KLHL18: variants seen among roughly 807,000 people sequenced by gnomAD.
The protein encoded by KLHL18 is kelch like family member 18.
A neutral mutation model predicts 58.5 loss-of-function variants in KLHL18; 38 were observed. The observed-to-expected ratio is 0.65, with a 90% CI of 0.50 to 0.85. KLHL18 has a LOEUF of 0.85. KLHL18 is among the 40% of genes least tolerant of loss of function. The pLI, the probability that KLHL18 is intolerant of heterozygous loss-of-function variation, is 0.00. For missense variants in KLHL18, 624 were observed against 778.4 expected (o/e 0.80, Z 2.36); for synonymous variants, 303 against 301.9 (o/e 1.00, Z -0.04).
At chr3:47,299,164 G>A (rs191358069) in intron 1 of KLHL18, among the ~76,000 whole-genome samples, 1 of 152,326 alleles carries the variant, frequency 6.6e-6, no homozygotes, top group East Asian at 1.9e-4. Context: ...TAAGTGTGGT[G>A]GTTAATTTTA....
At chr3:47,301,993 G>T (rs1703036294) in intron 1 of KLHL18, among the ~76,000 whole-genome samples, 1 of 152,054 alleles carries the variant, frequency 6.6e-6, no homozygotes, top group African/African-American at 2.4e-5. Context: ...GTAGAGACGG[G>T]ATCTTGCCAT....
At position 47,322,598 on chromosome 3, in the gene KLHL18, CA is replaced by C; in HGVS notation, c.293del (p.Asn98ThrfsTer15). On this transcript the variant is annotated frameshift_variant, in exon 3 of 10. Transcript: ENST00000232766. LOFTEE classifies it high-confidence loss of function. ...ALEALINFAY[N>X]GNLAIDQQNV... ...TGGAGGCTCTGATCAACTTTGCCTACAACGGCAACCTTGCCATTGACCAGCA... is the reference window on the plus strand; with the variant it reads ...TGGAGGCTCTGATCAACTTTGCCTACACGGCAACCTTGCCATTGACCAGCA... 6.2e-7 allele frequency: 1 copy of C among 1,607,172 alleles called. No individual in the cohort carries two copies. Among genetic ancestry groups the C allele is most frequent in the Non-Finnish European group, 8.5e-7 (1 of 1,177,266 alleles).
At chr3:47,284,072 A>G (rs1398475754) in intron 1 of KLHL18, among the ~76,000 whole-genome samples, 1 of 152,144 alleles carries the variant, frequency 6.6e-6, no homozygotes, top group African/African-American at 2.4e-5. Flanking sequence ...GTCTCTACAA[A>G]TAATAAAAAA....
intron 3 of KLHL18, 105 bp downstream of exon 3, chr3:47,322,813 G>A: frequency 8.8e-7 from 1 of 1,136,746 alleles, no homozygotes; most frequent in Non-Finnish European, 1.2e-6. Context: ...TATGAAGGGA[G>A]TGAGCTGGAA....
At chr3:47,324,067 C>T (rs753225476) in intron 3 of KLHL18, among the ~76,000 whole-genome samples, 5 of 152,098 alleles carry the variant, frequency 3.3e-5, no homozygotes, top group Non-Finnish European at 4.4e-5. Flanking sequence ...GTAAGTGGTG[C>T]TGTTCGCAGT....
At chr3:47,327,251 A>AG (rs1703747405) in intron 3 of KLHL18, among the ~76,000 whole-genome samples, 1 of 152,130 alleles carries the variant, frequency 6.6e-6, no homozygotes, top group Non-Finnish European at 1.5e-5. Context: ...AAAAAACAAA[A>AG]GGGAAAAAAA....
At chr3:47,283,282 G>C (rs1178031604) in intron 1 of KLHL18, 188 bp downstream of exon 1, 1 of 624,182 alleles carries the variant, frequency 1.6e-6, no homozygotes. Flanking sequence ...AGAGGAAGAG[G>C]ACAACCTTTC....
chr3:47,288,220 C>CAA (rs768468646), intron 1 of KLHL18, among the ~76,000 whole-genome samples: 215 of 44,210 alleles, frequency 4.9e-3, no homozygotes, highest in African/African-American at 5.9e-3. Context: ...ACTCTGTCTC[C>CAA]AAAAAAAAAA....
chr3:47,298,127 C>T (rs1284404892), intron 1 of KLHL18, among the ~76,000 whole-genome samples: 1 of 151,978 alleles, frequency 6.6e-6, no homozygotes, highest in African/African-American at 2.4e-5. Flanking sequence ...CACCTATAAT[C>T]CCAGCACTTT....
At chr3:47,336,911 C>T (rs909350485) in intron 7 of KLHL18, 154 bp downstream of exon 7, 5 of 639,666 alleles carry the variant, frequency 7.8e-6, no homozygotes, top group South Asian at 1.9e-5. Flanking sequence ...CTCCTGGGAG[C>T]GAGCCCCCAT....
chr3:47,329,078 G>C (rs376882456), intron 3 of KLHL18, among the ~76,000 whole-genome samples: 1 of 151,718 alleles, frequency 6.6e-6, no homozygotes, highest in African/African-American at 2.4e-5. Flanking sequence ...GATGTGAGCC[G>C]TGTTCACGCT....
At chr3:47,311,500 G>A (rs1169623709) in intron 1 of KLHL18, among the ~76,000 whole-genome samples, 1 of 151,988 alleles carries the variant, frequency 6.6e-6, no homozygotes, top group Non-Finnish European at 1.5e-5. Context: ...AGACCATTCT[G>A]GCTAACATAG....
At chr3:47,295,479 G>A (rs766163874) in intron 1 of KLHL18, among the ~76,000 whole-genome samples, 2 of 152,114 alleles carry the variant, frequency 1.3e-5, no homozygotes, top group Non-Finnish European at 1.5e-5. Context: ...AAGCAGAGCC[G>A]TATCCATGCT....
chr3:47,321,900 C>T (rs183053123), intron 2 of KLHL18, among the ~76,000 whole-genome samples: 170 of 152,104 alleles, frequency 1.1e-3, no homozygotes, highest in African/African-American at 3.7e-3. Context: ...ATTGCAAAGG[C>T]CCTGAGGTAA....
chr3:47,330,368 G>T (rs940212372), intron 4 of KLHL18, among the ~76,000 whole-genome samples: 1 of 152,042 alleles, frequency 6.6e-6, no homozygotes, highest in African/African-American at 2.4e-5. Flanking sequence ...ACCTAGGCTG[G>T]AGTGCAGTAG....
Position 47,343,742 on chromosome 3 carries a change from C to G in KLHL18, c.1526C>G (p.Pro509Arg), listed in dbSNP as rs761269274. The G allele has an allele frequency of 6.2e-7, 1 of 1,614,210 alleles. No individual in the cohort carries two copies. Among genetic ancestry groups the G allele is most frequent in the South Asian group, 1.1e-5 (1 of 91,086 alleles). The change falls in exon 10 of 10, where the codon CCC (proline) becomes CGC (arginine). Residue 509 changes from proline to arginine, a missense_variant. Transcript: ENST00000232766. ...SVADQWCLIVPMHTRRSRVSL... is the reference protein window; with the variant it reads ...SVADQWCLIVRMHTRRSRVSL... ...GCAGACCAGTGGTGCCTGATTGTCC[C>G]CATGCACACGCGCAGGAGCCGGGTC...
At chr3:47,283,182 G>A (rs1702515539) in intron 1 of KLHL18, 88 bp downstream of exon 1, 10 of 1,202,592 alleles carry the variant, frequency 8.3e-6, no homozygotes, top group Non-Finnish European at 1.1e-5. Context: ...GAGAGGTCTA[G>A]CAGGGAGAGG....
intron 9 of KLHL18, among the ~76,000 whole-genome samples, chr3:47,343,201 C>T (rs778986568): frequency 3.3e-5 from 5 of 152,214 alleles, no homozygotes; most frequent in Non-Finnish European, 4.4e-5. Flanking sequence ...AAAAAAGGCT[C>T]AACAGCCATT....
chr3:47,312,089 T>C (rs1703315184), intron 1 of KLHL18, among the ~76,000 whole-genome samples: 1 of 152,346 alleles, frequency 6.6e-6, no homozygotes, highest in South Asian at 2.1e-4. Flanking sequence ...GGAAGTCCCA[T>C]GATTGCCCCA....
Sources: allele counts gnomAD v4.1 joint callset (sites outside exome capture counted in the v4.1 genomes callset), GRCh38; gene constraint gnomAD v4.1.1; transcripts MANE v1.5; gene names NCBI Gene and HGNC (gene_info 2026-07-23, HGNC 2026-07-21).